The following DRC8 variants were observed in gnomAD, a reference collection of about 807,000 sequenced individuals.
The protein encoded by DRC8 is dynein regulatory complex subunit 8, also known as dynein regulatory complex protein 8.
chr1:245,096,238 A>C, the DRC8 span, among the ~76,000 whole-genome samples: 1 of 152,264 alleles, frequency 6.6e-6, no homozygotes, highest in East Asian at 1.9e-4. Context: ...AATTAGAATG[A>C]GCCACTATTG....
At chr1:244,997,578 T>A in the DRC8 span, among the ~76,000 whole-genome samples, 4 of 151,336 alleles carry the variant, frequency 2.6e-5, no homozygotes, top group Non-Finnish European at 5.9e-5. Context: ...AGTTTCGCTC[T>A]TGTTGCCCAG....
the DRC8 span, among the ~76,000 whole-genome samples, chr1:245,025,902 C>T: frequency 6.6e-6 from 1 of 152,198 alleles, no homozygotes; most frequent in Non-Finnish European, 1.5e-5. Context: ...TCCTCCTTCG[C>T]CTTCCACCAT....
the DRC8 span, chr1:245,087,240 C>T: frequency 6.2e-7 from 1 of 1,602,334 alleles, no homozygotes; most frequent in South Asian, 1.1e-5. Flanking sequence ...TTTTGTCTCT[C>T]TGAGGTGAGC....
At chr1:245,088,293 C>T in the DRC8 span, among the ~76,000 whole-genome samples, 1 of 141,056 alleles carries the variant, frequency 7.1e-6, no homozygotes, top group East Asian at 2.1e-4. The surrounding 1 kb of genome is among the most constrained non-coding windows in gnomAD (Gnocchi z 4.6). Flanking sequence ...ATTTTCCAAA[C>T]TTAGATATTC....
the DRC8 span, among the ~76,000 whole-genome samples, chr1:245,069,799 C>T: frequency 4.6e-5 from 7 of 152,134 alleles, no homozygotes; most frequent in East Asian, 1.9e-4. Context: ...TTCAGCTACT[C>T]GGGAGGCTGA....
the DRC8 span, among the ~76,000 whole-genome samples, chr1:244,999,779 C>A: frequency 6.6e-6 from 1 of 152,124 alleles, no homozygotes; most frequent in Non-Finnish European, 1.5e-5. Context: ...TTTTCCTATA[C>A]ATACATACCC....
chr1:245,083,540 TAC>T, the DRC8 span: 1 of 1,581,470 alleles, frequency 6.3e-7, no homozygotes, highest in Non-Finnish European at 8.6e-7. Context: ...TTTATTTACA[TAC>T]ACACATATAT....
chr1:245,074,877 T>TTG, the DRC8 span, among the ~76,000 whole-genome samples: 1 of 152,248 alleles, frequency 6.6e-6, no homozygotes, highest in African/African-American at 2.4e-5. Context: ...ATGTCAAAAT[T>TTG]TGTATCTATA....
At chr1:244,970,383 G>C in the DRC8 span, 1 of 1,535,500 alleles carries the variant, frequency 6.5e-7, no homozygotes. Context: ...CGAGGTTATC[G>C]TTAGGCATCT....
chr1:245,109,709 A>G, the DRC8 span, among the ~76,000 whole-genome samples: 4 of 152,254 alleles, frequency 2.6e-5, no homozygotes, highest in Admixed American at 6.5e-5. Context: ...TAAGGAAATC[A>G]CAGCTCGGAG....
chr1:245,016,743 G>A, the DRC8 span, among the ~76,000 whole-genome samples: 4 of 152,128 alleles, frequency 2.6e-5, no homozygotes, highest in Admixed American at 6.5e-5. Flanking sequence ...TAGTTTGAAA[G>A]CTTTTTGAGT....
At chr1:245,014,520 T>C in the DRC8 span, among the ~76,000 whole-genome samples, 1 of 152,214 alleles carries the variant, frequency 6.6e-6, no homozygotes, top group African/African-American at 2.4e-5. Context: ...AATTATGGTG[T>C]ATTATTTTGG....
the DRC8 span, among the ~76,000 whole-genome samples, chr1:245,052,031 C>T: frequency 2.0e-5 from 3 of 151,880 alleles, no homozygotes; most frequent in African/African-American, 4.8e-5. Flanking sequence ...GTGATAAGGA[C>T]GTTTTCTGAG....
At chr1:244,974,825 A>G in the DRC8 span, among the ~76,000 whole-genome samples, 1 of 152,188 alleles carries the variant, frequency 6.6e-6, no homozygotes, top group Non-Finnish European at 1.5e-5. Flanking sequence ...CCTCCCAAGT[A>G]GCTGGGACTA....
At chr1:245,093,550 T>C in the DRC8 span, among the ~76,000 whole-genome samples, 1 of 151,578 alleles carries the variant, frequency 6.6e-6, no homozygotes, top group African/African-American at 2.4e-5. Context: ...GTACAAAAAT[T>C]AGCCAGGCGT....
At chr1:245,010,782 C>T in the DRC8 span, among the ~76,000 whole-genome samples, 1 of 150,320 alleles carries the variant, frequency 6.7e-6, no homozygotes, top group East Asian at 2.0e-4. Context: ...TCCGGGTTCA[C>T]GCCATTCTCC....
At chr1:245,104,472 C>T in the DRC8 span, among the ~76,000 whole-genome samples, 1 of 150,448 alleles carries the variant, frequency 6.6e-6, no homozygotes, top group Non-Finnish European at 1.5e-5. Context: ...CCACTGCACT[C>T]CAGCCTGGGG....
chr1:244,984,798 A>G, the DRC8 span, among the ~76,000 whole-genome samples: 5 of 149,504 alleles, frequency 3.3e-5, no homozygotes, highest in Non-Finnish European at 7.4e-5. Context: ...TCATGCCACT[A>G]CACTCCAGCC....
At chr1:245,005,820 A>T in the DRC8 span, among the ~76,000 whole-genome samples, 4 of 152,186 alleles carry the variant, frequency 2.6e-5, no homozygotes, top group Non-Finnish European at 4.4e-5. Flanking sequence ...CAAAAAAGAG[A>T]AGGGAAGCCT....
Sources: allele counts gnomAD v4.1 joint callset (sites outside exome capture counted in the v4.1 genomes callset), GRCh38; gene constraint gnomAD v4.1.1; non-coding constraint Gnocchi (gnomAD v3.1); transcripts MANE v1.5; gene names NCBI Gene and HGNC (gene_info 2026-07-23, HGNC 2026-07-21).